The following CACNA1B variants were observed in gnomAD, a reference collection of about 807,000 sequenced individuals.
CACNA1B encodes the protein calcium voltage-gated channel subunit alpha1 B.
A neutral mutation model predicts 247.2 loss-of-function variants in CACNA1B; 70 were observed. The observed-to-expected ratio is 0.28, with a 90% CI of 0.23 to 0.35. The LOEUF (loss-of-function observed/expected upper bound fraction) is 0.35, where lower values mean the gene tolerates loss of function less well. Ranked by LOEUF, CACNA1B falls within the 10% of genes least tolerant of loss-of-function variation. The pLI, the probability that CACNA1B is intolerant of heterozygous loss-of-function variation, is 1.00. For missense variants in CACNA1B, 2,367 were observed against 3,197.4 expected (o/e 0.74, Z 6.26); for synonymous variants, 1,231 against 1,294.4 (o/e 0.95, Z 1.05).
chr9:137,911,942 C>T (rs912342135), intron 3 of CACNA1B, among the ~76,000 whole-genome samples: 2 of 152,054 alleles, frequency 1.3e-5, no homozygotes, highest in Non-Finnish European at 2.9e-5. Flanking sequence ...TGGTGCGATC[C>T]GCTGAGGGGA....
chr9:138,064,074 GTCCTGGCCCCTGCGCACAC>G (rs1564267998), intron 31 of CACNA1B, among the ~76,000 whole-genome samples: 1 of 152,114 alleles, frequency 6.6e-6, no homozygotes, highest in Admixed American at 6.6e-5. Context: ...ATTCATTGGT[GTCCTGGCCCCTGCGCACAC>G]TCTGAGATGG....
At position 138,100,301 on chromosome 9, in the gene CACNA1B, A is replaced by G. The variant is rs1326190585; in HGVS notation, c.5223-2410A>G. Among the ~76,000 whole-genome samples the G allele has an allele frequency of 6.6e-6, 1 of 152,172 alleles. No individual in the cohort carries two copies. Among genetic ancestry groups the G allele is most frequent in the Non-Finnish European group, 1.5e-5 (1 of 68,034 alleles). The stretch of plus-strand genomic sequence containing the variant: ...GAAAGGCATTGAAATTGGTTGAACA[A>G]GTCGCTTTGATTTTGCGTTGTAGAC... On this transcript the variant is annotated intron_variant, in intron 37 of 46. Transcript: ENST00000371372. The surrounding 1 kb of genome is among the most constrained non-coding windows in gnomAD (Gnocchi z 4.6).
chr9:138,050,510 A>G lies in CACNA1B; in HGVS notation c.3710+1195A>G, dbSNP rs1959237193. ...TTTCCTCTCCACTCCAGCCCCCTGC[A>G]GTTCCCACTATTTCCTCTTTCTGTG... On this transcript the variant is annotated intron_variant, in intron 24 of 46. Transcript: ENST00000371372. The surrounding 1 kb of genome is among the most constrained non-coding windows in gnomAD (Gnocchi z 5.2). Among the ~76,000 whole-genome samples the G allele has an allele frequency of 1.3e-5, 2 of 152,138 alleles. No homozygotes were observed. The highest frequency in any genetic ancestry group is 2.9e-5 in the Non-Finnish European group (2 of 68,026).
At chr9:138,111,456 C>T (rs528433215) in intron 39 of CACNA1B, among the ~76,000 whole-genome samples, 112 of 152,274 alleles carry the variant, frequency 7.4e-4, no homozygotes, top group African/African-American at 2.6e-3. Context: ...ACTATAGGGA[C>T]CCAAAACACA....
chr9:138,043,655 C>T (rs1959158136), intron 20 of CACNA1B, 119 bp from the exon 21 acceptor site: 1 of 1,097,122 alleles, frequency 9.1e-7, no homozygotes, highest in South Asian at 1.4e-5. Context: ...CTTGCCCATC[C>T]CTGGTGGGCC....
intron 36 of CACNA1B, among the ~76,000 whole-genome samples, chr9:138,095,542 A>G (rs1412539755): frequency 1.3e-5 from 2 of 152,358 alleles, no homozygotes; most frequent in East Asian, 1.9e-4. Context: ...ACCAGCTGCT[A>G]TGGAAGAAGT....
At chr9:138,069,409 A>G (rs1960041144) in intron 31 of CACNA1B, among the ~76,000 whole-genome samples, 1 of 152,258 alleles carries the variant, frequency 6.6e-6, no homozygotes, top group Non-Finnish European at 1.5e-5. Context: ...TTGGATTTGC[A>G]TTACAAACAA....
In CACNA1B at chr9:137,913,107, G is replaced by T; in HGVS notation, c.531-73G>T. 2 of 1,158,856 alleles carry T rather than the reference G, an allele frequency of 1.7e-6. No homozygotes were observed. Among genetic ancestry groups the T allele is most frequent in the Non-Finnish European group, 2.6e-6 (2 of 778,748 alleles). 71.8% of individuals were successfully genotyped at this position (1,158,856 alleles called of 1,614,324 possible). A position where few individuals can be genotyped will look rare whatever the true frequency, so the allele number is the denominator to read the frequency against. On this transcript the variant is annotated intron_variant, in intron 3 of 46. Coordinates refer to ENST00000371372, the MANE Select transcript of CACNA1B (RefSeq NM_000718.4). This position sits in a 1 kb window ranked among gnomAD's most constrained non-coding sequence, Gnocchi z 5.2. ...GCTCTTGGGAGACATGACCCTGGTG[G>T]TGGGAGGAGTGTGTCCTCTTCCAGG... is the stretch of plus-strand genomic sequence containing the variant.
intron 6 of CACNA1B, among the ~76,000 whole-genome samples, chr9:137,928,581 A>G (rs1957576894): frequency 6.6e-6 from 1 of 152,176 alleles, no homozygotes. Context: ...GGGCTTAGAA[A>G]TTTCTTTTTG....
rs1305128400 is a variant in CACNA1B at position 138,124,496 on chromosome 9, TTTGC to T, written c.*2499_*2502del. 2.6e-5 allele frequency: 4 copies of T among 152,080 alleles called. No homozygotes were observed. The highest frequency in any genetic ancestry group is 9.7e-5 in the African/African-American group (4 of 41,392). 9.4% of individuals were successfully genotyped at this position (152,080 alleles called of 1,614,324 possible). ...AAAAAGAAATTCTGTGATTGACTAG[TTTGC>T]TGCCTGAGTCATATTTATCAGCCAA... On this transcript the variant is annotated 3_prime_UTR_variant, in exon 47 of 47. Coordinates refer to ENST00000371372, the MANE Select transcript of CACNA1B (RefSeq NM_000718.4).
intron 10 of CACNA1B, among the ~76,000 whole-genome samples, chr9:137,969,718 T>C (rs750959006): frequency 1.3e-5 from 2 of 152,210 alleles, no homozygotes; most frequent in Non-Finnish European, 2.9e-5. Flanking sequence ...GTGGTCAGGC[T>C]GGATGTGTGC....
chr9:138,029,564 C>G (rs932616539), intron 20 of CACNA1B, among the ~76,000 whole-genome samples: 9 of 150,796 alleles, frequency 6.0e-5, no homozygotes, highest in African/African-American at 1.9e-4. Context: ...AGTGTTTTTC[C>G]TCCTTGTCAT....
In CACNA1B at chr9:138,124,440, C is replaced by A. The variant is rs1962197406; in HGVS notation, c.*2441C>A. On this transcript the variant is annotated 3_prime_UTR_variant, in exon 47 of 47. Coordinates refer to ENST00000371372, the MANE Select transcript of CACNA1B (RefSeq NM_000718.4). ...AGAAGTGTTAAAAAAAAAAAAAAGT[C>A]CCAACCATGCAACACAACTGGGACC... 1 of 150,528 alleles carries A rather than the reference C, an allele frequency of 6.6e-6. No homozygotes were observed. Among genetic ancestry groups the A allele is most frequent in the African/African-American group, 2.4e-5 (1 of 40,962 alleles). The allele number at this position is 150,528 out of a possible 1,614,324, so 9.3% of individuals were successfully genotyped here.
In CACNA1B at chr9:138,117,967, C is replaced by G. The variant is rs1961929550; in HGVS notation, c.5799C>G (p.Ile1933Met). ...GGAIQNQESG[I>M]KESVSWGTQR... ...ACAGACAAAACCAAGAGAGTGGCATCAAAGAGTCTGTCTCCTGGGGCACTC... is the reference window on the plus strand; with the variant it reads ...ACAGACAAAACCAAGAGAGTGGCATGAAAGAGTCTGTCTCCTGGGGCACTC... Residue 1933 changes from isoleucine (I) to methionine (M), a missense_variant, in exon 43 of 47, where the codon ATC becomes ATG. Physicochemically the swap from Ile to Met is conservative, Grantham distance 10 (BLOSUM62 1). Coordinates refer to ENST00000371372, the MANE Select transcript of CACNA1B (RefSeq NM_000718.4). The G allele has an allele frequency of 1.3e-6, 2 of 1,589,628 alleles. No individual in the cohort carries two copies. Among genetic ancestry groups the G allele is most frequent in the Admixed American group, 3.4e-5 (2 of 58,232 alleles).
intron 10 of CACNA1B, among the ~76,000 whole-genome samples, chr9:137,963,206 T>A (rs896315096): frequency 1.2e-4 from 18 of 152,206 alleles, no homozygotes; most frequent in Admixed American, 2.0e-4. Context: ...TTGCAACCCC[T>A]ACTCTTTTCT....
chr9:138,035,380 A>AC (rs1959029728), intron 20 of CACNA1B, among the ~76,000 whole-genome samples: 1 of 152,108 alleles, frequency 6.6e-6, no homozygotes, highest in African/African-American at 2.4e-5. Flanking sequence ...AATCTCTTGA[A>AC]CCCAGGAGGT....
chr9:138,117,330 C>T (rs536444121), intron 42 of CACNA1B, among the ~76,000 whole-genome samples: 123 of 152,232 alleles, frequency 8.1e-4, no homozygotes, highest in Middle Eastern at 3.4e-3. Context: ...GCAAGGGACC[C>T]CTGAGGGAGG....
intron 18 of CACNA1B, among the ~76,000 whole-genome samples, chr9:138,021,588 C>G (rs1958846037): frequency 6.6e-6 from 1 of 152,246 alleles, no homozygotes; most frequent in African/African-American, 2.4e-5. Flanking sequence ...GTGGTTGTAG[C>G]CTGTGTTGTT....
intron 10 of CACNA1B, among the ~76,000 whole-genome samples, chr9:137,958,213 A>G (rs1957971899): frequency 6.6e-6 from 1 of 152,222 alleles, no homozygotes; most frequent in East Asian, 1.9e-4. Context: ...ACTCTTTAAT[A>G]AAACAGGAAA....
Sources: allele counts gnomAD v4.1 joint callset (sites outside exome capture counted in the v4.1 genomes callset), GRCh38; gene constraint gnomAD v4.1.1; non-coding constraint Gnocchi (gnomAD v3.1); transcripts MANE v1.5; gene names NCBI Gene and HGNC (gene_info 2026-07-23, HGNC 2026-07-21).